DVL2: variants seen among roughly 807,000 people sequenced by gnomAD.
DVL2 encodes the protein segment polarity protein dishevelled homolog DVL-2.
A neutral mutation model predicts 69.8 loss-of-function variants in DVL2; 38 were observed. The observed-to-expected ratio is 0.54, with a 90% CI of 0.42 to 0.71. The LOEUF is 0.71. Among genes scored for constraint, DVL2 ranks in the 30% least tolerant of loss-of-function variants. DVL2 has a pLI of 0.00. For synonymous variants in DVL2, 428 were observed against 392.4 expected, an observed-to-expected ratio of 1.09 and a Z score of -1.07; for missense variants, 931 against 1,008.1, an observed-to-expected ratio of 0.92 and a Z score of 1.04.
rs557142883 is a variant in DVL2, at chr17:7,230,809, C to T, written c.195-12G>A. 5.0e-6 allele frequency: 8 copies of T among 1,610,176 alleles called. No individual in the cohort carries two copies. In the South Asian group the frequency reaches 7.7e-5, roughly 16 times the overall value. ...CTTCCTTCACCACCCTGCCAAGCGA[C>T]AAGGTAGAGGTCAGTGAGCTGGACC... On this transcript the variant is annotated splice_polypyrimidine_tract_variant and intron_variant, in intron 1 of 14. Coordinates refer to ENST00000005340, the MANE Select transcript of DVL2 (RefSeq NM_004422.3).
Position 7,230,747 on chromosome 17 carries a change from T to C in DVL2, c.245A>G (p.Asn82Ser), listed in dbSNP as rs2071530471. 3 of 1,613,382 alleles carry C rather than the reference T, an allele frequency of 1.9e-6. No individual in the cohort carries two copies. The highest frequency in any genetic ancestry group is 1.1e-5 in the South Asian group (1 of 91,018). Residue 82 changes from asparagine (N) to serine (S), a missense_variant, in exon 2 of 15, where the codon AAC (asparagine) becomes AGC (serine). By Grantham distance (46) the Asn-to-Ser change is conservative. Around this residue, in one of 3 missense-constraint regions of DVL2, gnomAD observed 555 missense variants for 588.8 expected, o/e 0.94. Transcript: ENST00000005340. ...TCTTACCCAGGATACCACCCTTCCG[T>C]TGAAGCAGGGGAGGCGGGCGTTGTC... ...SDDNARLPCF[N>S]GRVVSWLVSS...
Position 7,226,020 on chromosome 17 carries a change from G to A in DVL2, c.2056C>T (p.Pro686Ser), listed in dbSNP as rs1301705137. 1 of 1,612,696 alleles carries A rather than the reference G, an allele frequency of 6.2e-7. No individual in the cohort carries two copies. The highest frequency in any genetic ancestry group is 8.5e-7 in the Non-Finnish European group (1 of 1,179,466). Residue 686 changes from proline (P) to serine (S), a missense_variant, in exon 15 of 15, where the codon CCC becomes TCC. Physicochemically the swap from Pro to Ser is moderately conservative, Grantham distance 74 (BLOSUM62 -1). Around this residue, in one of 3 missense-constraint regions of DVL2, gnomAD observed 314 missense variants for 313.7 expected, o/e 1.00. Coordinates refer to ENST00000005340, the MANE Select transcript of DVL2 (RefSeq NM_004422.3). ...PYNPMMVVMMPPPPPPVPPAV... is the reference protein window; with the variant it reads ...PYNPMMVVMMSPPPPPVPPAV... ...GGAGGGACTGGAGGTGGAGGTGGGGGCATCATGACCACCATCATGGGGTTG... is the reference window on the plus strand; with the variant it reads ...GGAGGGACTGGAGGTGGAGGTGGGGACATCATGACCACCATCATGGGGTTG...
chr17:7,229,006 C>T lies in DVL2; in HGVS notation c.997G>A (p.Ala333Thr). 7.4e-6 allele frequency: 12 copies of T among 1,614,206 alleles called. No individual in the cohort carries two copies. The highest frequency in any genetic ancestry group is 2.2e-5 in the East Asian group (1 of 44,888). The change falls in exon 9 of 15, where the codon GCT becomes ACT. Residue 333 changes from alanine (A) to threonine (T), a missense_variant. Around this residue, in one of 3 missense-constraint regions of DVL2, gnomAD observed 555 missense variants for 588.8 expected, o/e 0.94. Coordinates refer to ENST00000005340, the MANE Select transcript of DVL2 (RefSeq NM_004422.3). This position sits in a 1 kb window ranked among gnomAD's most constrained non-coding sequence, Gnocchi z 4.4. Reference sequence around the variant, plus strand: ...ACAATGTCCCTCAGCACCCGCACAGCGTCATCGTTGCTCATGTTCTCAAAG... The same window carrying T: ...ACAATGTCCCTCAGCACCCGCACAGTGTCATCGTTGCTCATGTTCTCAAAG... ...MNFENMSNDD[A>T]VRVLRDIVHK...
At position 7,229,977 on chromosome 17, in the gene DVL2, T is replaced by A. The variant is rs1295474760; in HGVS notation, c.521-34A>T. The A allele has an allele frequency of 6.2e-7, 1 of 1,608,680 alleles. No individual in the cohort carries two copies. Among genetic ancestry groups the A allele is most frequent in the Non-Finnish European group, 8.5e-7 (1 of 1,179,540 alleles). ...GGACAGGAAGCTCAAGAACCAAGCT[T>A]CCCCCTGCTCACCCCACCAAGGCTG... On this transcript the variant is annotated intron_variant, in intron 4 of 14. Transcript: ENST00000005340. This position sits in a 1 kb window ranked among gnomAD's most constrained non-coding sequence, Gnocchi z 4.4.
Position 7,226,448 on chromosome 17 carries a change from C to T in DVL2, c.1735G>A (p.Gly579Ser). Reference sequence around the variant, plus strand: ...TCACTATGCTGGCTGCTGGCACTGCCCCCACCATAGGTGTAAGATGAAAGC... The same window carrying T: ...TCACTATGCTGGCTGCTGGCACTGCTCCCACCATAGGTGTAAGATGAAAGC... ...HELSSYTYGG[G>S]SASSQHSEGS... is the part of the protein sequence containing the mutation. Residue 579 changes from glycine (G) to serine (S), a missense_variant, in exon 14 of 15, where the codon GGC becomes AGC. Physicochemically the swap from Gly to Ser is moderately conservative, Grantham distance 56 (BLOSUM62 0). Transcript: ENST00000005340. The T allele has an allele frequency of 1.3e-6, 2 of 1,542,694 alleles. No homozygotes were observed. Among genetic ancestry groups the T allele is most frequent in the Non-Finnish European group, 1.7e-6 (2 of 1,145,034 alleles).
intron 4 of DVL2, 34 bp downstream of exon 4, chr17:7,230,012 C>T (rs765586973): frequency 1.2e-6 from 2 of 1,612,052 alleles, no homozygotes; most frequent in African/African-American, 1.3e-5. Context: ...GGGGTCTGGC[C>T]CAGCCCTTCC....
chr17:7,233,845 C>T (rs545615154), intron 1 of DVL2: 48 of 606,144 alleles, frequency 7.9e-5, no homozygotes, highest in African/African-American at 3.7e-5. Flanking sequence ...AAAGCCTAAT[C>T]TTGTCTAATC....
In DVL2 at chr17:7,225,367, G is replaced by T; in HGVS notation, c.*498C>A. The T allele has an allele frequency of 1.8e-6, 1 of 552,776 alleles. No homozygotes were observed. The highest frequency in any genetic ancestry group is 3.2e-6 in the Non-Finnish European group (1 of 308,632). The allele number at this position is 552,776 out of a possible 1,614,324, so 34.2% of individuals were successfully genotyped here. A position where few individuals can be genotyped will look rare whatever the true frequency, so the allele number is the denominator to read the frequency against. ...GAGTTTGCCTCTATTGCTTTATTTG[G>T]TGTTTTATACAAGTGACTAAAATAA... On this transcript the variant is annotated 3_prime_UTR_variant, in exon 15 of 15. Coordinates refer to ENST00000005340, the MANE Select transcript of DVL2 (RefSeq NM_004422.3).
rs949619396 is a variant in DVL2, at chr17:7,225,383, A to C, written c.*482T>G. ...CTTTATTTGGTGTTTTATACAAGTG[A>C]CTAAAATAAATAGAGTAACAAAGGC... On this transcript the variant is annotated 3_prime_UTR_variant, in exon 15 of 15. Transcript: ENST00000005340. 1 of 515,406 alleles carries C rather than the reference A, an allele frequency of 1.9e-6. No individual in the cohort carries two copies. The highest frequency in any genetic ancestry group is 2.1e-5 in the South Asian group (1 of 47,666). 31.9% of individuals were successfully genotyped at this position (515,406 alleles called of 1,614,324 possible).
Position 7,227,998 on chromosome 17 carries a change from C to A in DVL2, c.1081G>T (p.Ala361Ser). Reference protein sequence around the residue: ...VAKCWDPSPQAYFTLPRNEPI... With the variant: ...VAKCWDPSPQSYFTLPRNEPI... The stretch of plus-strand genomic sequence containing the variant: ...TCACTTCGGGGGAGAGTGAAATAGG[C>A]CTGAGGAGAGGGATCCCAGCACTTG... Residue 361 changes from alanine to serine, a missense_variant, in exon 10 of 15, where the codon GCC becomes TCC. Ala to Ser is a moderately conservative substitution (Grantham distance 99). This residue lies in a region of DVL2 where 555 missense variants were observed against 588.8 expected (regional missense o/e 0.94). Coordinates refer to ENST00000005340, the MANE Select transcript of DVL2 (RefSeq NM_004422.3). The A allele has an allele frequency of 6.4e-7, 1 of 1,564,214 alleles. No homozygotes were observed. The highest frequency in any genetic ancestry group is 8.7e-7 in the Non-Finnish European group (1 of 1,155,948).
In DVL2 at chr17:7,230,767, G is replaced by A. The variant is rs766636917; in HGVS notation, c.225C>T (p.Asn75=). 4.3e-6 allele frequency: 7 copies of A among 1,613,434 alleles called. No homozygotes were observed. In the Admixed American group the frequency reaches 6.7e-5, roughly 15 times the overall value. Residue 75 remains asparagine (N), a synonymous_variant, in exon 2 of 15, where the codon AAC becomes AAT. Coordinates refer to ENST00000005340, the MANE Select transcript of DVL2 (RefSeq NM_004422.3). ...TTCCGTTGAAGCAGGGGAGGCGGGCGTTGTCATCTGAAATTTCTTCCTTCA... is the reference window on the plus strand; with the variant it reads ...TTCCGTTGAAGCAGGGGAGGCGGGCATTGTCATCTGAAATTTCTTCCTTCA... ...GVVKEEISDD[N]ARLPCFNGRV... is the part of the protein sequence containing the mutation.
rs765002369 is a variant in DVL2 at position 7,230,344 on chromosome 17, T to C, written c.351A>G (p.Leu117=). The change falls in exon 3 of 15, where the codon TTA becomes TTG. Residue 117 remains leucine (L), a synonymous_variant. Coordinates refer to ENST00000005340, the MANE Select transcript of DVL2 (RefSeq NM_004422.3). ...TGGTCCTCTCGGGTGGCAAAGGAGG[T>C]AAAGGTGGGGCTGGAGGCGCCAGTT... The part of the protein sequence containing the change: ...RAELAPPAPP[L]PPLPPERTSG... 2.5e-6 allele frequency: 4 copies of C among 1,613,164 alleles called. No individual in the cohort carries two copies. The highest frequency in any genetic ancestry group is 3.4e-6 in the Non-Finnish European group (4 of 1,179,806).
intron 13 of DVL2, 191 bp downstream of exon 13, chr17:7,226,899 C>T (rs1597545327): frequency 3.0e-6 from 2 of 668,908 alleles, no homozygotes; most frequent in East Asian, 5.5e-5. Flanking sequence ...GCACCTGGCA[C>T]ATGGCTTGTC....
rs1217757162 is a variant in DVL2, at chr17:7,231,210, T to C, written c.195-413A>G. On this transcript the variant is annotated intron_variant, in intron 1 of 14. Coordinates refer to ENST00000005340, the MANE Select transcript of DVL2 (RefSeq NM_004422.3). The stretch of plus-strand genomic sequence containing the variant: ...CAGGCACGGTGGCTCACACCTGTAA[T>C]CCCAGCACTTTGGGAGGCTGAGGCG... Among the ~76,000 whole-genome samples the C allele has an allele frequency of 2.6e-5, 4 of 152,070 alleles. No homozygotes were observed. The East Asian group carries it at 7.7e-4, about 29-fold the overall frequency.
At chr17:7,226,967 G>T in intron 13 of DVL2, 123 bp downstream of exon 13, 1 of 990,602 alleles carries the variant, frequency 1.0e-6, no homozygotes. Flanking sequence ...ACCTAGTGCG[G>T]GACACACACT....
At position 7,227,521 on chromosome 17, in the gene DVL2, C is replaced by T. The variant is rs753297890; in HGVS notation, c.1246G>A (p.Gly416Ser). Residue 416 changes from glycine (G) to serine (S), a missense_variant, in exon 12 of 15, where the codon GGT (glycine) becomes AGT (serine). Transcript: ENST00000005340. ...SSLPDGCEGR[G>S]LSVHTDMASV... is the part of the protein sequence containing the mutation. ...GCCATGTCCGTATGGACGGAGAGACCCCGGCCTTCACAGCCTGGCAGAGGA... is the reference window on the plus strand; with the variant it reads ...GCCATGTCCGTATGGACGGAGAGACTCCGGCCTTCACAGCCTGGCAGAGGA... 2 of 1,613,986 alleles carry T rather than the reference C, an allele frequency of 1.2e-6. No individual in the cohort carries two copies. Among genetic ancestry groups the T allele is most frequent in the Admixed American group, 1.7e-5 (1 of 60,024 alleles).
chr17:7,233,752 T>C (rs1399837285), intron 1 of DVL2, among the ~76,000 whole-genome samples: 3 of 152,192 alleles, frequency 2.0e-5, no homozygotes, highest in Non-Finnish European at 4.4e-5. Context: ...GAGAACGTAC[T>C]AAACAACCAG....
Position 7,229,465 on chromosome 17 carries a change from G to A in DVL2, c.748-18C>T, listed in dbSNP as rs1486197679. On this transcript the variant is annotated intron_variant, in intron 6 of 14. Transcript: ENST00000005340. The surrounding 1 kb of genome is among the most constrained non-coding windows in gnomAD (Gnocchi z 4.4). ...GATGACGTCTGTGGTGGGAAAAGGA[G>A]CCAGAGTGCCCTTCAATAACCCAGG... The A allele has an allele frequency of 1.2e-6, 2 of 1,613,904 alleles. No homozygotes were observed. The highest frequency in any genetic ancestry group is 1.7e-6 in the Non-Finnish European group (2 of 1,179,966).
chr17:7,231,175 C>CA (rs2071537136), intron 1 of DVL2, among the ~76,000 whole-genome samples: 7 of 152,124 alleles, frequency 4.6e-5, no homozygotes, highest in Admixed American at 3.9e-4. Context: ...TACAAACCTT[C>CA]CAAAAAGGTC....
Sources: allele counts gnomAD v4.1 joint callset (sites outside exome capture counted in the v4.1 genomes callset), GRCh38; gene constraint gnomAD v4.1.1; regional missense constraint gnomAD v4.1.1; non-coding constraint Gnocchi (gnomAD v3.1); transcripts MANE v1.5; gene names NCBI Gene and HGNC (gene_info 2026-07-23, HGNC 2026-07-21).